DGKI: variants seen among roughly 807,000 people sequenced by gnomAD.
The protein encoded by DGKI is DAG kinase iota.
DGKI carries 55 observed loss-of-function variants against 147.5 expected under a neutral mutation model. The observed-to-expected ratio is 0.37, with a 90% CI of 0.30 to 0.47. DGKI has a LOEUF of 0.47. Among genes scored for constraint, DGKI ranks in the 20% least tolerant of loss-of-function variants. DGKI has a pLI of 1.00. For missense variants in DGKI, 1,007 were observed against 1,323.8 expected (o/e 0.76, Z 3.71); for synonymous variants, 469 against 477.1 (o/e 0.98, Z 0.22).
At chr7:137,488,599 A>G (rs1444276415) in intron 21 of DGKI, among the ~76,000 whole-genome samples, 1 of 152,178 alleles carries the variant, frequency 6.6e-6, no homozygotes, top group African/African-American at 2.4e-5. Flanking sequence ...AACCTTCAAA[A>G]TTTTGAATTA....
intron 1 of DGKI, among the ~76,000 whole-genome samples, chr7:137,835,344 A>G (rs914640244): frequency 3.3e-5 from 5 of 152,150 alleles, no homozygotes; most frequent in African/African-American, 1.2e-4. Flanking sequence ...GTAATCAGCT[A>G]TACTGAATTT....
chr7:137,455,488 A>G (rs1814157653), intron 27 of DGKI, among the ~76,000 whole-genome samples: 1 of 152,110 alleles, frequency 6.6e-6, no homozygotes, highest in Non-Finnish European at 1.5e-5. Flanking sequence ...GAGGTACTTA[A>G]CTTAAAACAT....
intron 3 of DGKI, among the ~76,000 whole-genome samples, chr7:137,662,671 C>G (rs1261334839): frequency 1.3e-5 from 2 of 151,738 alleles, no homozygotes; most frequent in African/African-American, 4.9e-5. Context: ...GAAACTCAGA[C>G]CTCTCCTTAG....
intron 28 of DGKI, among the ~76,000 whole-genome samples, chr7:137,423,540 G>A (rs1812663636): frequency 6.6e-6 from 1 of 152,180 alleles, no homozygotes; most frequent in Non-Finnish European, 1.5e-5. Context: ...CAGAAGCCAA[G>A]TACAGTTAAG....
chr7:137,615,531 ATGTG>A (rs5887846), intron 8 of DGKI, among the ~76,000 whole-genome samples: 4,261 of 135,696 alleles, frequency 0.031, 118 homozygotes, highest in African/African-American at 0.069. Context: ...ATATGTATGT[ATGTG>A]TGTGTGTGTG....
At chr7:137,666,780 G>C (rs945640646) in intron 3 of DGKI, among the ~76,000 whole-genome samples, 1 of 152,060 alleles carries the variant, frequency 6.6e-6, no homozygotes, top group Non-Finnish European at 1.5e-5. Flanking sequence ...CATTAAAAAG[G>C]GTTCCAGCCT....
chr7:137,524,710 TAGG>T (rs1283557405), intron 20 of DGKI, among the ~76,000 whole-genome samples: 6 of 152,130 alleles, frequency 3.9e-5, no homozygotes, highest in African/African-American at 1.4e-4. Context: ...CAGACCCTAA[TAGG>T]AGAAGTTGAG....
chr7:137,788,092 T>C (rs905014880), intron 1 of DGKI, among the ~76,000 whole-genome samples: 1 of 152,170 alleles, frequency 6.6e-6, no homozygotes, highest in African/African-American at 2.4e-5. Flanking sequence ...CTTAAAAATC[T>C]TTTTAGAAAT....
chr7:137,445,134 A>G (rs1417786278), intron 27 of DGKI, among the ~76,000 whole-genome samples: 1 of 152,220 alleles, frequency 6.6e-6, no homozygotes, highest in African/African-American at 2.4e-5. Flanking sequence ...GACAAGAATC[A>G]TTCAGTCAAT....
At chr7:137,488,162 AT>A (rs1363303629) in intron 21 of DGKI, among the ~76,000 whole-genome samples, 2 of 152,176 alleles carry the variant, frequency 1.3e-5, no homozygotes, top group African/African-American at 4.8e-5. Context: ...AGACAACTTC[AT>A]CTTTTTGTCT....
At chr7:137,724,316 A>G (rs1245837822) in intron 1 of DGKI, among the ~76,000 whole-genome samples, 7 of 152,294 alleles carry the variant, frequency 4.6e-5, no homozygotes, top group Admixed American at 2.6e-4. Context: ...AGAAACCAAC[A>G]TAAGTTTTTG....
At chr7:137,584,655 C>A (rs1376051260) in intron 14 of DGKI, among the ~76,000 whole-genome samples, 1 of 152,128 alleles carries the variant, frequency 6.6e-6, no homozygotes, top group African/African-American at 2.4e-5. Context: ...TATAATATAT[C>A]CATGAAACAA....
intron 20 of DGKI, among the ~76,000 whole-genome samples, chr7:137,545,546 C>T (rs1219140216): frequency 4.6e-5 from 7 of 152,130 alleles, no homozygotes; most frequent in African/African-American, 1.7e-4. Flanking sequence ...TTGAGGGCTG[C>T]AGGCACTTCC....
At chr7:137,547,480 T>C (rs1817904395) in intron 20 of DGKI, among the ~76,000 whole-genome samples, 1 of 152,252 alleles carries the variant, frequency 6.6e-6, no homozygotes, top group Non-Finnish European at 1.5e-5. Flanking sequence ...CTTGAAATTA[T>C]TAAATATGTA....
At chr7:137,435,153 T>C (rs1813232738) in intron 28 of DGKI, among the ~76,000 whole-genome samples, 1 of 152,158 alleles carries the variant, frequency 6.6e-6, no homozygotes, top group African/African-American at 2.4e-5. Flanking sequence ...GTAAGACTTG[T>C]ATAGAGAGAA....
intron 3 of DGKI, among the ~76,000 whole-genome samples, chr7:137,661,433 C>T (rs1044069666): frequency 6.6e-6 from 1 of 152,048 alleles, no homozygotes; most frequent in Non-Finnish European, 1.5e-5. Flanking sequence ...CAGGCAGAAA[C>T]CAACAATACT....
chr7:137,660,543 G>GATTGAGCTGGAGCT (rs1302063588), intron 3 of DGKI, among the ~76,000 whole-genome samples: 1 of 152,214 alleles, frequency 6.6e-6, no homozygotes, highest in African/African-American at 2.4e-5. Context: ...CACTGGAGCA[G>GATTGAGCTGGAGCT]GGAATGGGGA....
intron 31 of DGKI, chr7:137,395,944 T>A (rs1338201458): frequency 1.5e-5 from 7 of 476,156 alleles, no homozygotes; most frequent in Non-Finnish European, 2.6e-5. Flanking sequence ...TTTAGTAATT[T>A]TTTTAAAAGC....
intron 9 of DGKI, 104 bp downstream of exon 9, chr7:137,609,431 T>A: frequency 1.2e-6 from 1 of 812,870 alleles, no homozygotes; most frequent in Non-Finnish European, 2.0e-6. Context: ...AAAGCAGTAG[T>A]AGAAGATAGA....
Sources: allele counts gnomAD v4.1 joint callset (sites outside exome capture counted in the v4.1 genomes callset), GRCh38; gene constraint gnomAD v4.1.1; transcripts MANE v1.5; gene names NCBI Gene and HGNC (gene_info 2026-07-23, HGNC 2026-07-21).